TRIM66: variants seen among roughly 807,000 people sequenced by gnomAD.
The protein encoded by TRIM66 is tripartite motif-containing protein 66.
TRIM66 carries 99 observed loss-of-function variants against 148.2 expected under a neutral mutation model. The ratio of observed to expected loss-of-function variants is 0.67; its 90% confidence interval spans 0.57 to 0.79. TRIM66 has a LOEUF of 0.79. TRIM66 is among the 30% of genes least tolerant of loss of function. The pLI is 0.00. For missense variants in TRIM66, 1,666 were observed against 1,697.9 expected, an observed-to-expected ratio of 0.98 and a Z score of 0.33; for synonymous variants, 616 against 635.9, an observed-to-expected ratio of 0.97 and a Z score of 0.47.
chr11:8,635,176 G>A (rs575125686), intron 15 of TRIM66, among the ~76,000 whole-genome samples: 13 of 152,292 alleles, frequency 8.5e-5, no homozygotes, highest in South Asian at 4.1e-4. Context: ...TCAAGGACCC[G>A]TGGTCTGGTC....
intron 6 of TRIM66, among the ~76,000 whole-genome samples, chr11:8,670,266 C>A (rs904861526): frequency 6.6e-6 from 1 of 152,152 alleles, no homozygotes; most frequent in African/African-American, 2.4e-5. Flanking sequence ...GCTGCCTTGG[C>A]CTCCCAAAGT....
chr11:8,645,793 T>A lies in TRIM66; in HGVS notation c.1052A>T (p.Asn351Ile), dbSNP rs953088563. ...RQFEHVQNFI[N>I]WAVCSKTSVP... is the part of the protein sequence containing the mutation. ...ACTGGTTTTGCTGCAGACAGCCCAGTTGATGAAATTCTGCACATGCTCAAA... is the reference window on the plus strand; with the variant it reads ...ACTGGTTTTGCTGCAGACAGCCCAGATGATGAAATTCTGCACATGCTCAAA... The change falls in exon 12 of 25, where the codon AAC becomes ATC. Residue 351 changes from asparagine (N) to isoleucine (I), a missense_variant. Asn to Ile is a moderately radical substitution (Grantham distance 149). Coordinates refer to ENST00000646038, the MANE Select transcript of TRIM66 (RefSeq NM_001388022.1). The A allele has an allele frequency of 6.4e-7, 1 of 1,551,652 alleles. No individual in the cohort carries two copies. The highest frequency in any genetic ancestry group is 1.4e-5 in the African/African-American group (1 of 73,052).
At chr11:8,666,496 C>T (rs2038608450) in intron 6 of TRIM66, among the ~76,000 whole-genome samples, 1 of 151,902 alleles carries the variant, frequency 6.6e-6, no homozygotes, top group Non-Finnish European at 1.5e-5. Flanking sequence ...TAAATAACAG[C>T]ACTTTTTGTT....
chr11:8,672,266 T>C lies in TRIM66; in HGVS notation c.9A>G (p.Arg3=). 6.5e-7 allele frequency: 1 copy of C among 1,535,982 alleles called. No homozygotes were observed. The highest frequency in any genetic ancestry group is 8.7e-7 in the Non-Finnish European group (1 of 1,146,888). ...TCCTCACCTGGGACCAAAAAGAGAG[T>C]CTAGCCATCTCTGCCGTGGAAAACA... MA[R]LSFWSQGVEL... is the part of the protein sequence containing the mutation. Residue 3 remains arginine (R), a synonymous_variant, in exon 5 of 25, where the codon AGA becomes AGG. Transcript: ENST00000646038.
chr11:8,674,209 T>G (rs1230312359), intron 4 of TRIM66, among the ~76,000 whole-genome samples: 1 of 152,236 alleles, frequency 6.6e-6, no homozygotes, highest in African/African-American at 2.4e-5. Flanking sequence ...TGTGAACTAT[T>G]GCTATTTACC....
At position 8,624,528 on chromosome 11, in the gene TRIM66, G is replaced by A. The variant is rs1219293808; in HGVS notation, c.2850C>T (p.Arg950=). 1.3e-6 allele frequency: 2 copies of A among 1,532,022 alleles called. No individual in the cohort carries two copies. Among genetic ancestry groups the A allele is most frequent in the African/African-American group, 2.8e-5 (2 of 71,734 alleles). The allele number at this position is 1,532,022 out of a possible 1,614,324, so 94.9% of individuals were successfully genotyped here. The change falls in exon 17 of 25, where the codon CGC becomes CGT. Residue 950 remains arginine, a synonymous_variant. Coordinates refer to ENST00000646038, the MANE Select transcript of TRIM66 (RefSeq NM_001388022.1). ...LCKMESEDST[R]FTDLLGQGPI... ...GACCTTGTCCCAGTAAGTCAGTGAA[G>A]CGAGTGGAATCCTCACTTTCCATCT...
At chr11:8,646,912 C>A (rs2036894078) in intron 10 of TRIM66, among the ~76,000 whole-genome samples, 1 of 128,978 alleles carries the variant, frequency 7.8e-6, no homozygotes, top group South Asian at 2.7e-4. Flanking sequence ...TAAATGTCGC[C>A]ATGAGGTAAA....
At chr11:8,638,911 CATCA>C in intron 14 of TRIM66, 96 bp from the exon 15 acceptor site, 1 of 1,287,152 alleles carries the variant, frequency 7.8e-7, no homozygotes, top group Non-Finnish European at 1.1e-6. Context: ...CTGCCATGTG[CATCA>C]TCACCACTTG....
intron 8 of TRIM66, among the ~76,000 whole-genome samples, chr11:8,649,413 C>A (rs1289968512): frequency 6.6e-6 from 1 of 152,154 alleles, no homozygotes; most frequent in African/African-American, 2.4e-5. Flanking sequence ...CTAATCCAGA[C>A]TAAGTTAATC....
At position 8,642,949 on chromosome 11, in the gene TRIM66, T is replaced by C. The variant is rs901372582; in HGVS notation, c.1222+60A>G. On this transcript the variant is annotated intron_variant, in intron 13 of 24. Coordinates refer to ENST00000646038, the MANE Select transcript of TRIM66 (RefSeq NM_001388022.1). ...GCATATGCTGACCTACCCAGTAAGG[T>C]AAGCAATTAAGTCAAAGCCCACAGG... 1.2e-5 allele frequency: 15 copies of C among 1,200,716 alleles called. No homozygotes were observed. In the African/African-American group the frequency reaches 2.2e-4, roughly 18 times the overall value. 74.4% of individuals were successfully genotyped at this position (1,200,716 alleles called of 1,614,324 possible). A position where few individuals can be genotyped will look rare whatever the true frequency, so the allele number is the denominator to read the frequency against.
In TRIM66 at chr11:8,624,794, G is replaced by A. The variant is rs2034650857; in HGVS notation, c.2745C>T (p.Ser915=). 6.4e-7 allele frequency: 1 copy of A among 1,551,548 alleles called. No individual in the cohort carries two copies. Among genetic ancestry groups the A allele is most frequent in the Non-Finnish European group, 8.7e-7 (1 of 1,146,890 alleles). ...PVSDMQPETG[S]SSSSGRTSGS... Reference sequence around the variant, plus strand: ...CTGAAGTTCGGCCAGAACTGGAGCTGGACCCAGTTTCTGGCTGCATGTCAG... The same window carrying A: ...CTGAAGTTCGGCCAGAACTGGAGCTAGACCCAGTTTCTGGCTGCATGTCAG... The change falls in exon 16 of 25, where the codon TCC becomes TCT. Residue 915 remains serine, a synonymous_variant. Coordinates refer to ENST00000646038, the MANE Select transcript of TRIM66 (RefSeq NM_001388022.1).
At chr11:8,666,977 C>T (rs1291075235) in intron 6 of TRIM66, among the ~76,000 whole-genome samples, 2 of 152,084 alleles carry the variant, frequency 1.3e-5, no homozygotes, top group South Asian at 2.1e-4. Context: ...CCAACACACC[C>T]GGCAACTTTT....
intron 21 of TRIM66, 145 bp from the exon 22 acceptor site, chr11:8,620,269 G>A (rs2034079264): frequency 7.5e-7 from 1 of 1,329,852 alleles, no homozygotes; most frequent in Non-Finnish European, 1.0e-6. Context: ...TCCCAAGCCA[G>A]AGGAAAACTG....
chr11:8,644,727 G>T (rs550000421), intron 12 of TRIM66, among the ~76,000 whole-genome samples: 3 of 152,194 alleles, frequency 2.0e-5, no homozygotes, highest in Non-Finnish European at 4.4e-5. Context: ...ATCTTCTCAG[G>T]CTATGTTTTT....
intron 17 of TRIM66, 52 bp downstream of exon 17, chr11:8,624,307 C>T: frequency 6.5e-7 from 1 of 1,529,216 alleles, no homozygotes; most frequent in Non-Finnish European, 8.8e-7. Context: ...AGTGCTGAGT[C>T]CATCTGCTCA....
chr11:8,664,552 G>T (rs1276560607), intron 6 of TRIM66, among the ~76,000 whole-genome samples: 1 of 152,104 alleles, frequency 6.6e-6, no homozygotes, highest in African/African-American at 2.4e-5. Flanking sequence ...TTATAAGGCT[G>T]CTGTGAAGTT....
intron 6 of TRIM66, among the ~76,000 whole-genome samples, chr11:8,668,457 G>T (rs2038733308): frequency 6.6e-6 from 1 of 152,124 alleles, no homozygotes; most frequent in Non-Finnish European, 1.5e-5. Context: ...GTCCAAAACA[G>T]CCTCACTCAT....
At chr11:8,633,930 A>G (rs1291184239) in intron 15 of TRIM66, among the ~76,000 whole-genome samples, 3 of 152,192 alleles carry the variant, frequency 2.0e-5, no homozygotes, top group African/African-American at 7.2e-5. Flanking sequence ...CTGGGTCATT[A>G]TCCTTTACTC....
At chr11:8,627,154 A>G (rs1476798619) in intron 15 of TRIM66, among the ~76,000 whole-genome samples, 1 of 152,030 alleles carries the variant, frequency 6.6e-6, no homozygotes, top group Non-Finnish European at 1.5e-5. Context: ...TAAAGTGTAA[A>G]CTCCATTAGG....
Sources: gnomAD v4.1 joint callset for allele counts (sites outside exome capture counted in the v4.1 genomes callset) on GRCh38, gnomAD v4.1.1 for gene constraint, MANE v1.5 for transcripts, NCBI Gene and HGNC (gene_info 2026-07-23, HGNC 2026-07-21) for gene names.